Variants in SLC51A observed in about 807,000 individuals in gnomAD.
The protein encoded by SLC51A is organic solute transporter subunit alpha.
A neutral mutation model predicts 34.8 loss-of-function variants in SLC51A; 22 were observed. The observed-to-expected ratio is 0.63, with a 90% CI of 0.45 to 0.90. The LOEUF (loss-of-function observed/expected upper bound fraction) is 0.90. Ranked by LOEUF, SLC51A falls within the 40% of genes least tolerant of loss-of-function variation. SLC51A has a pLI of 0.00. For synonymous variants in SLC51A, 181 were observed against 176.3 expected, an observed-to-expected ratio of 1.03 and a Z score of -0.21; for missense variants, 371 against 414.8, an observed-to-expected ratio of 0.89 and a Z score of 0.92.
Position 196,216,668 on chromosome 3 carries a change from C to T in SLC51A, c.-45C>T, listed in dbSNP as rs918279834. On this transcript the variant is annotated 5_prime_UTR_variant, in exon 1 of 9. Coordinates refer to ENST00000296327, the MANE Select transcript of SLC51A (RefSeq NM_152672.6). The surrounding 1 kb of genome is among the most constrained non-coding windows in gnomAD (Gnocchi z 4.5). ...CCCCCACCTGCCCGCCCCGCCTGCC[C>T]TTCCTCACCCCGGTGCCTGCGGGAT... The T allele has an allele frequency of 3.2e-6, 5 of 1,549,284 alleles. No homozygotes were observed. Among genetic ancestry groups the T allele is most frequent in the Admixed American group, 2.0e-5 (1 of 51,134 alleles).
intron 1 of SLC51A, 68 bp from the exon 2 acceptor site, chr3:196,217,774 G>C: frequency 7.5e-7 from 1 of 1,340,488 alleles, no homozygotes; most frequent in Non-Finnish European, 1.1e-6. Context: ...GTGGTTGAGG[G>C]TCCAGTGTGC....
At chr3:196,231,963 C>T (rs953580302) in intron 7 of SLC51A, among the ~76,000 whole-genome samples, 3 of 152,218 alleles carry the variant, frequency 2.0e-5, no homozygotes, top group African/African-American at 7.2e-5. Flanking sequence ...ACCCATTAAA[C>T]ACATTCCCCA....
chr3:196,230,655 T>G (rs1724012450), intron 7 of SLC51A, among the ~76,000 whole-genome samples: 2 of 152,144 alleles, frequency 1.3e-5, no homozygotes, highest in Admixed American at 6.5e-5. Context: ...CGGCTAATTT[T>G]GCATTTTTAG....
At chr3:196,227,177 G>A (rs1723918803) in intron 3 of SLC51A, 58 bp downstream of exon 3, 2 of 1,571,542 alleles carry the variant, frequency 1.3e-6, no homozygotes, top group Admixed American at 1.7e-5. Flanking sequence ...AGACCAAGGT[G>A]AGAATTCCTC....
At position 196,229,939 on chromosome 3, in the gene SLC51A, T is replaced by C. The variant is rs189691166; in HGVS notation, c.658T>C (p.Trp220Arg). 3.1e-6 allele frequency: 5 copies of C among 1,612,312 alleles called. No homozygotes were observed. The highest frequency in any genetic ancestry group is 3.4e-5 in the Admixed American group (2 of 59,660). Residue 220 changes from tryptophan to arginine, a missense_variant, in exon 7 of 9, where the codon TGG becomes CGG. Coordinates refer to ENST00000296327, the MANE Select transcript of SLC51A (RefSeq NM_152672.6). ...ADISEGSTAL[W>R]INTFLGVSTL... ...GATTTCTGAGGGGAGCACAGCTCTATGGATCAACACTTTCCTTGGCGTGTC... is the reference window on the plus strand; with the variant it reads ...GATTTCTGAGGGGAGCACAGCTCTACGGATCAACACTTTCCTTGGCGTGTC...
At chr3:196,232,771 C>T in intron 8 of SLC51A, 1 of 583,572 alleles carries the variant, frequency 1.7e-6, no homozygotes, top group East Asian at 2.9e-5. Flanking sequence ...GGGTTCAGTC[C>T]TCAGCTCCTG....
In SLC51A at chr3:196,228,715, C is replaced by T. The variant is rs574877004; in HGVS notation, c.522-94C>T. 1.1e-5 allele frequency: 11 copies of T among 1,021,722 alleles called. No homozygotes were observed. Among genetic ancestry groups the T allele is most frequent in the African/African-American group, 6.3e-5 (4 of 63,364 alleles). 63.3% of individuals were successfully genotyped at this position (1,021,722 alleles called of 1,614,324 possible). ...CCTGGTTGGTGTTTATGACAGCAGC[C>T]GAGCCTCAGCCCAGGAGCCCTGTGA... On this transcript the variant is annotated intron_variant, in intron 5 of 8. Coordinates refer to ENST00000296327, the MANE Select transcript of SLC51A (RefSeq NM_152672.6). The surrounding 1 kb of genome is among the most constrained non-coding windows in gnomAD (Gnocchi z 4.9).
Position 196,227,064 on chromosome 3 carries a change from A to G in SLC51A, c.233A>G (p.Asn78Ser). 1 of 1,614,014 alleles carries G rather than the reference A, an allele frequency of 6.2e-7. No homozygotes were observed. Among genetic ancestry groups the G allele is most frequent in the Non-Finnish European group, 8.5e-7 (1 of 1,180,002 alleles). ...GAGGATGCCGTCTACCTGTACAAGA[A>G]CACCCTTTGCCCCATCAAGAGGCGG... ...FLEDAVYLYK[N>S]TLCPIKRRTL... Residue 78 changes from asparagine (N) to serine (S), a missense_variant, in exon 3 of 9, where the codon AAC becomes AGC. Transcript: ENST00000296327.
intron 6 of SLC51A, among the ~76,000 whole-genome samples, chr3:196,229,577 A>G (rs1189623355): frequency 6.7e-6 from 1 of 148,742 alleles, no homozygotes; most frequent in Non-Finnish European, 1.5e-5. Context: ...GGGTTTCTCC[A>G]TGTTGGTCAG....
intron 8 of SLC51A, 39 bp from the exon 9 acceptor site, chr3:196,233,024 C>G (rs769581552): frequency 6.2e-7 from 1 of 1,601,686 alleles, no homozygotes; most frequent in South Asian, 1.1e-5. Flanking sequence ...ACCTCTGTAA[C>G]TCAGCATAAC....
Position 196,217,869 on chromosome 3 carries a change from G to A in SLC51A, c.66G>A (p.Leu22=), listed in dbSNP as rs749458601. 1.2e-6 allele frequency: 2 copies of A among 1,613,798 alleles called. No individual in the cohort carries two copies. The highest frequency in any genetic ancestry group is 1.7e-6 in the Non-Finnish European group (2 of 1,179,880). Residue 22 remains leucine (L), a synonymous_variant, in exon 2 of 9, where the codon CTG becomes CTA. Transcript: ENST00000296327. ...PRYTADLLEV[L]KTNYGIPSAC... ...ACACAGCAGATCTTCTGGAGGTGCT[G>A]AAGACCAATTACGGCATCCCCTCCG...
intron 7 of SLC51A, 48 bp from the exon 8 acceptor site, chr3:196,232,371 C>T (rs370026075): frequency 8.1e-6 from 12 of 1,489,258 alleles, no homozygotes; most frequent in Middle Eastern, 1.8e-4. Context: ...CGTTCTGTGC[C>T]GTGAGGGCAG....
Position 196,228,626 on chromosome 3 carries a change from G to A in SLC51A, c.522-183G>A. The A allele has an allele frequency of 1.6e-6, 1 of 618,608 alleles. No homozygotes were observed. Among genetic ancestry groups the A allele is most frequent in the South Asian group, 2.0e-5 (1 of 50,814 alleles). The allele number at this position is 618,608 out of a possible 1,614,324, so 38.3% of individuals were successfully genotyped here. A position where few individuals can be genotyped will look rare whatever the true frequency, so the allele number is the denominator to read the frequency against. ...GGAATTCTTGTCTGGAGGTGAGTGG[G>A]AGACCAAGAGGGTTCCCAGCACTCT... On this transcript the variant is annotated intron_variant, in intron 5 of 8. Coordinates refer to ENST00000296327, the MANE Select transcript of SLC51A (RefSeq NM_152672.6). This position sits in a 1 kb window ranked among gnomAD's most constrained non-coding sequence, Gnocchi z 4.9.
intron 2 of SLC51A, chr3:196,223,747 AAAAGAAAG>A (rs10578706): frequency 3.4e-6 from 1 of 289,942 alleles, no homozygotes. Context: ...TAAAAAAAAA[AAAAGAAAG>A]AAAGAAAATA....
intron 2 of SLC51A, among the ~76,000 whole-genome samples, chr3:196,219,420 CTG>C (rs1249171789): frequency 6.6e-6 from 1 of 152,204 alleles, no homozygotes; most frequent in African/African-American, 2.4e-5. Flanking sequence ...GGATACAAGT[CTG>C]TGTCTCTGTA....
intron 3 of SLC51A, 121 bp downstream of exon 3, chr3:196,227,240 G>C (rs1723921060): frequency 1.2e-5 from 13 of 1,077,354 alleles, no homozygotes; most frequent in Non-Finnish European, 1.7e-5. Context: ...CCCGCGGAGG[G>C]CCGAGGTTTG....
intron 2 of SLC51A, among the ~76,000 whole-genome samples, chr3:196,219,106 A>G (rs78771288): frequency 0.14 from 21,943 of 152,068 alleles, 1,917 homozygotes; most frequent in East Asian, 0.33. Context: ...GGCACCTGTA[A>G]TCCCAGCTAC....
At chr3:196,230,343 G>A (rs989770138) in intron 7 of SLC51A, among the ~76,000 whole-genome samples, 2 of 152,054 alleles carry the variant, frequency 1.3e-5, no homozygotes, top group African/African-American at 2.4e-5. Flanking sequence ...CACAGCGAAG[G>A]AGCCAGCAGG....
Position 196,233,298 on chromosome 3 carries a change from G to C in SLC51A, c.*99G>C. On this transcript the variant is annotated 3_prime_UTR_variant, in exon 9 of 9. Transcript: ENST00000296327. ...GACCAAATGGGAAGCATTCCCCCTT[G>C]TCAACACAAGCTGGCAGATACATTT... 7.5e-7 allele frequency: 1 copy of C among 1,327,364 alleles called. No homozygotes were observed. The highest frequency in any genetic ancestry group is 1.0e-6 in the Non-Finnish European group (1 of 962,982). 82.2% of individuals were successfully genotyped at this position (1,327,364 alleles called of 1,614,324 possible).
Sources: allele counts gnomAD v4.1 joint callset (sites outside exome capture counted in the v4.1 genomes callset), GRCh38; gene constraint gnomAD v4.1.1; non-coding constraint Gnocchi (gnomAD v3.1); transcripts MANE v1.5; gene names NCBI Gene and HGNC (gene_info 2026-07-23, HGNC 2026-07-21).